SLX4IP: variants seen among roughly 807,000 people sequenced by gnomAD.
The protein encoded by SLX4IP is protein SLX4IP.
In SLX4IP, 34 loss-of-function variants were observed where a neutral mutation model predicts 32.9. The ratio of observed to expected loss-of-function variants is 1.03; its 90% confidence interval spans 0.79 to 1.38. The LOEUF is 1.38. SLX4IP is among the 40% of genes most tolerant of loss of function. The pLI is 0.00. For synonymous variants in SLX4IP, 172 were observed against 171.7 expected (o/e 1.00, Z -0.01); for missense variants, 444 against 479.0 (o/e 0.93, Z 0.68).
chr20:10,454,144 C>A (rs1203766998), intron 1 of SLX4IP, among the ~76,000 whole-genome samples: 1 of 152,042 alleles, frequency 6.6e-6, no homozygotes, highest in African/African-American at 2.4e-5. Context: ...ATAATTTAAT[C>A]TTGCCTTAGG....
intron 6 of SLX4IP, among the ~76,000 whole-genome samples, chr20:10,615,229 C>T (rs1038864006): frequency 2.6e-5 from 4 of 152,104 alleles, no homozygotes; most frequent in Non-Finnish European, 5.9e-5. Context: ...GGCTTGGATC[C>T]CAGCACTTCA....
chr20:10,536,845 G>C (rs549311640), intron 2 of SLX4IP, among the ~76,000 whole-genome samples: 2 of 152,286 alleles, frequency 1.3e-5, no homozygotes, highest in East Asian at 3.9e-4. Context: ...TTACAGTTTT[G>C]GCTTTGAGGA....
At chr20:10,602,317 T>A (rs2066852274) in intron 6 of SLX4IP, among the ~76,000 whole-genome samples, 1 of 151,088 alleles carries the variant, frequency 6.6e-6, no homozygotes. Context: ...TGTCTCTCTG[T>A]CTCTCTGTCT....
intron 2 of SLX4IP, among the ~76,000 whole-genome samples, chr20:10,459,431 A>G (rs2122345180): frequency 6.6e-6 from 1 of 152,234 alleles, no homozygotes; most frequent in East Asian, 1.9e-4. Flanking sequence ...GGACTTGACA[A>G]TTTTAAGTAG....
At chr20:10,459,943 A>G (rs368467519) in intron 2 of SLX4IP, among the ~76,000 whole-genome samples, 80 of 152,342 alleles carry the variant, frequency 5.3e-4, no homozygotes, top group African/African-American at 1.9e-3. Context: ...ATAAATTACA[A>G]TAGCTAGTTG....
At chr20:10,465,739 T>G (rs929686655) in intron 2 of SLX4IP, among the ~76,000 whole-genome samples, 1 of 152,236 alleles carries the variant, frequency 6.6e-6, no homozygotes, top group Non-Finnish European at 1.5e-5. Context: ...CTCCTGACTT[T>G]TAGTGATCCG....
intron 4 of SLX4IP, among the ~76,000 whole-genome samples, chr20:10,587,575 A>G (rs1327664341): frequency 1.3e-5 from 2 of 152,124 alleles, no homozygotes; most frequent in Non-Finnish European, 2.9e-5. Context: ...AATCTAAAAT[A>G]AATATACATA....
chr20:10,506,542 A>G (rs558054961), intron 2 of SLX4IP, among the ~76,000 whole-genome samples: 1 of 152,234 alleles, frequency 6.6e-6, no homozygotes, highest in African/African-American at 2.4e-5. Context: ...AAGAGAAACA[A>G]ACACTAAATA....
At chr20:10,556,455 C>T (rs2066268292) in intron 3 of SLX4IP, 135 bp downstream of exon 3, 1 of 882,764 alleles carries the variant, frequency 1.1e-6, no homozygotes, top group Admixed American at 2.8e-5. Flanking sequence ...AATTGTATTC[C>T]CAATGACAGA....
intron 2 of SLX4IP, among the ~76,000 whole-genome samples, chr20:10,516,385 T>C (rs8117143): frequency 3.4e-5 from 1 of 29,302 alleles, no homozygotes; most frequent in African/African-American, 7.8e-5. Flanking sequence ...TTCAACAGAT[T>C]AATGTTGATT....
intron 2 of SLX4IP, among the ~76,000 whole-genome samples, chr20:10,474,511 A>G (rs1159989903): frequency 6.6e-6 from 1 of 151,586 alleles, no homozygotes; most frequent in African/African-American, 2.4e-5. Context: ...TCCCTTCTTT[A>G]CTTTAGGTAT....
intron 2 of SLX4IP, among the ~76,000 whole-genome samples, chr20:10,472,213 C>T (rs563827462): frequency 1.3e-5 from 2 of 148,812 alleles, no homozygotes; most frequent in African/African-American, 5.0e-5. Context: ...CTGTCAAACT[C>T]TACATTTCCG....
intron 2 of SLX4IP, among the ~76,000 whole-genome samples, chr20:10,512,242 T>C (rs1159314716): frequency 1.3e-5 from 2 of 152,212 alleles, no homozygotes; most frequent in African/African-American, 4.8e-5. Context: ...CCTTGGCTTA[T>C]AATTTTCACT....
chr20:10,574,987 T>A (rs1402375928), intron 4 of SLX4IP, among the ~76,000 whole-genome samples: 3 of 152,272 alleles, frequency 2.0e-5, no homozygotes, highest in Non-Finnish European at 2.9e-5. Context: ...GACTTTTTTT[T>A]AATGAGTTGT....
At chr20:10,498,376 G>A (rs552831496) in intron 2 of SLX4IP, among the ~76,000 whole-genome samples, 2 of 152,000 alleles carry the variant, frequency 1.3e-5, no homozygotes, top group Non-Finnish European at 2.9e-5. Context: ...GGCCTCAGGG[G>A]TTATCTCTCC....
intron 3 of SLX4IP, among the ~76,000 whole-genome samples, chr20:10,559,316 C>T (rs1456328897): frequency 6.6e-6 from 1 of 152,122 alleles, no homozygotes; most frequent in Non-Finnish European, 1.5e-5. Context: ...TGAGTTAAAT[C>T]AAGGGTTTTC....
At chr20:10,458,610 G>A (rs896859439) in intron 2 of SLX4IP, among the ~76,000 whole-genome samples, 4 of 152,022 alleles carry the variant, frequency 2.6e-5, no homozygotes, top group African/African-American at 7.3e-5. Flanking sequence ...AGACTATGCA[G>A]TATTTGGTTT....
In SLX4IP at chr20:10,626,325, A is replaced by C. The variant is rs1042786290; in HGVS notation, c.*2946A>C. The C allele has an allele frequency of 2.1e-5, 3 of 143,926 alleles. No homozygotes were observed. The highest frequency in any genetic ancestry group is 8.1e-5 in the African/African-American group (3 of 36,994). The allele number at this position is 143,926 out of a possible 1,614,324, so 8.9% of individuals were successfully genotyped here. ...TGGGATTACAGGTGAGAGCCACCGC[A>C]CCCGGCCTGTTTTGACATTCTTAAT... On this transcript the variant is annotated 3_prime_UTR_variant, in exon 8 of 8. Coordinates refer to ENST00000334534, the MANE Select transcript of SLX4IP (RefSeq NM_001009608.3).
chr20:10,455,116 A>G (rs1482783921), intron 1 of SLX4IP, among the ~76,000 whole-genome samples: 4 of 152,062 alleles, frequency 2.6e-5, no homozygotes, highest in African/African-American at 9.7e-5. Flanking sequence ...TGAGTTCTTT[A>G]TATATTCTGG....
Sources: allele counts gnomAD v4.1 joint callset (sites outside exome capture counted in the v4.1 genomes callset), GRCh38; gene constraint gnomAD v4.1.1; transcripts MANE v1.5; gene names NCBI Gene and HGNC (gene_info 2026-07-23, HGNC 2026-07-21).